PDGFD: variants seen among roughly 807,000 people sequenced by gnomAD.
PDGFD encodes the protein platelet-derived growth factor D.
A neutral mutation model predicts 44.7 loss-of-function variants in PDGFD; 30 were observed. The observed-to-expected ratio is 0.67, with a 90% CI of 0.50 to 0.91. The LOEUF is 0.91. PDGFD is among the 40% of genes least tolerant of loss of function. PDGFD has a pLI of 0.00. For missense variants in PDGFD, 445 were observed against 457.8 expected, an observed-to-expected ratio of 0.97 and a Z score of 0.25; for synonymous variants, 173 against 168.4, an observed-to-expected ratio of 1.03 and a Z score of -0.21.
chr11:103,986,366 A>G (rs1204031528), intron 3 of PDGFD, among the ~76,000 whole-genome samples: 1 of 152,184 alleles, frequency 6.6e-6, no homozygotes, highest in Non-Finnish European at 1.5e-5. Context: ...CCGTTACCAA[A>G]GATACCTGAT....
intron 3 of PDGFD, among the ~76,000 whole-genome samples, chr11:103,974,567 C>G (rs1311593558): frequency 1.3e-5 from 2 of 152,082 alleles, no homozygotes; most frequent in Non-Finnish European, 2.9e-5. Context: ...CCCATCAACT[C>G]ATCATCTAGG....
At chr11:104,142,777 T>C (rs920913750) in intron 1 of PDGFD, among the ~76,000 whole-genome samples, 3 of 152,228 alleles carry the variant, frequency 2.0e-5, no homozygotes, top group Non-Finnish European at 2.9e-5. Flanking sequence ...ATGCAGACTG[T>C]TCATTCTGAT....
intron 5 of PDGFD, among the ~76,000 whole-genome samples, chr11:103,930,849 T>A (rs1858390285): frequency 6.6e-6 from 1 of 152,232 alleles, no homozygotes; most frequent in Non-Finnish European, 1.5e-5. Context: ...CCTATTCAGT[T>A]CTGACTAATA....
intron 1 of PDGFD, among the ~76,000 whole-genome samples, chr11:104,025,723 G>A (rs1860032746): frequency 6.6e-6 from 1 of 152,182 alleles, no homozygotes; most frequent in South Asian, 2.1e-4. Context: ...GTCAGCATTT[G>A]TAGGAACACA....
At chr11:103,951,869 T>C (rs1322636849) in intron 3 of PDGFD, among the ~76,000 whole-genome samples, 1 of 152,252 alleles carries the variant, frequency 6.6e-6, no homozygotes, top group African/African-American at 2.4e-5. Flanking sequence ...ATGTTTGTTT[T>C]ATTGTTGATT....
intron 1 of PDGFD, among the ~76,000 whole-genome samples, chr11:104,158,070 G>T (rs1452159670): frequency 6.6e-6 from 1 of 152,214 alleles, no homozygotes; most frequent in Non-Finnish European, 1.5e-5. Flanking sequence ...CCTCTAGGAA[G>T]CCTTTCCCAA....
At chr11:103,958,598 G>A (rs542991682) in intron 3 of PDGFD, among the ~76,000 whole-genome samples, 1 of 152,238 alleles carries the variant, frequency 6.6e-6, no homozygotes, top group East Asian at 1.9e-4. Context: ...ACAGTGCCTG[G>A]TACATAGTAA....
intron 1 of PDGFD, among the ~76,000 whole-genome samples, chr11:104,028,182 TCC>T (rs1454622023): frequency 9.4e-6 from 1 of 106,550 alleles, no homozygotes; most frequent in Non-Finnish European, 1.9e-5. Context: ...AGAGCGAGAC[TCC>T]GTCAAAGAAA....
chr11:103,994,511 T>C (rs1465908212), intron 3 of PDGFD, among the ~76,000 whole-genome samples: 1 of 152,228 alleles, frequency 6.6e-6, no homozygotes, highest in East Asian at 1.9e-4. Flanking sequence ...TCATTTACAA[T>C]GTTCTGATGT....
intron 1 of PDGFD, among the ~76,000 whole-genome samples, chr11:104,127,095 C>G (rs1861852552): frequency 6.6e-6 from 1 of 152,166 alleles, no homozygotes; most frequent in South Asian, 2.1e-4. Context: ...ACAAAAAGAG[C>G]TCTTCAAAGA....
At chr11:104,023,548 G>A (rs749012864) in intron 1 of PDGFD, among the ~76,000 whole-genome samples, 1 of 152,042 alleles carries the variant, frequency 6.6e-6, no homozygotes, top group Middle Eastern at 3.2e-3. Context: ...ATATAAAAGC[G>A]CACTATCGAT....
At chr11:104,006,613 C>T (rs887053801) in intron 1 of PDGFD, among the ~76,000 whole-genome samples, 2 of 152,084 alleles carry the variant, frequency 1.3e-5, no homozygotes, top group African/African-American at 2.4e-5. Context: ...CATAATAACT[C>T]CAGACCCCAG....
intron 1 of PDGFD, chr11:104,037,867 C>T: frequency 6.2e-7 from 1 of 1,614,146 alleles, no homozygotes; most frequent in Non-Finnish European, 8.5e-7. Context: ...GAAAAATGTG[C>T]TGGTCATCGG....
intron 1 of PDGFD, among the ~76,000 whole-genome samples, chr11:104,160,914 T>C (rs896068722): frequency 6.6e-6 from 1 of 152,220 alleles, no homozygotes; most frequent in Admixed American, 6.5e-5. Context: ...TTCCACATCA[T>C]TTCTTAGCTA....
rs1858294135 is a variant in PDGFD at position 103,925,514 on chromosome 11, A to C, written c.987+1398T>G. Among the ~76,000 whole-genome samples the C allele has an allele frequency of 2.0e-5, 3 of 151,722 alleles. No individual in the cohort carries two copies. The South Asian group carries it at 6.2e-4, about 32-fold the overall frequency. On this transcript the variant is annotated intron_variant, in intron 6 of 6. Transcript: ENST00000393158. ...TCTGGAAGGGGTTATCTGATATATTAATTTTTCAGTCCTATTTAAATATGT... is the reference window on the plus strand; with the variant it reads ...TCTGGAAGGGGTTATCTGATATATTCATTTTTCAGTCCTATTTAAATATGT...
chr11:104,063,330 G>GGAGAGA (rs149925266), intron 1 of PDGFD, among the ~76,000 whole-genome samples: 4 of 148,384 alleles, frequency 2.7e-5, no homozygotes, highest in African/African-American at 9.9e-5. Context: ...GAGAGAGAGA[G>GGAGAGA]GAGAGAGAGA....
chr11:103,967,708 T>G (rs1197602691), intron 3 of PDGFD, among the ~76,000 whole-genome samples: 2 of 152,200 alleles, frequency 1.3e-5, no homozygotes, highest in Non-Finnish European at 2.9e-5. Context: ...CCATCTGGAT[T>G]TCTGCAGGAG....
chr11:104,115,986 G>T (rs1487933065), intron 1 of PDGFD, among the ~76,000 whole-genome samples: 4 of 151,946 alleles, frequency 2.6e-5, no homozygotes, highest in African/African-American at 7.3e-5. Flanking sequence ...CACTCTGTGG[G>T]TTGTCTGCTT....
At chr11:103,988,232 T>A (rs1481239233) in intron 3 of PDGFD, among the ~76,000 whole-genome samples, 1 of 151,954 alleles carries the variant, frequency 6.6e-6, no homozygotes. Flanking sequence ...ACAGGAAAGG[T>A]TATATGCATA....
Sources: allele counts gnomAD v4.1 joint callset (sites outside exome capture counted in the v4.1 genomes callset), GRCh38; gene constraint gnomAD v4.1.1; transcripts MANE v1.5; gene names NCBI Gene and HGNC (gene_info 2026-07-23, HGNC 2026-07-21).